Variants in CTNNA3 observed in about 807,000 individuals in gnomAD.
CTNNA3 encodes catenin alpha-3.
CTNNA3 carries 76 observed loss-of-function variants against 95.7 expected under a neutral mutation model. The observed-to-expected ratio is 0.79, with a 90% CI of 0.66 to 0.96. The LOEUF (loss-of-function observed/expected upper bound fraction) is 0.96. Ranked by LOEUF, CTNNA3 falls within the 40% of genes least tolerant of loss-of-function variation. The pLI, the probability that CTNNA3 is intolerant of heterozygous loss-of-function variation, is 0.00. For missense variants in CTNNA3, 1,191 were observed against 1,089.8 expected (o/e 1.09, Z -1.31); for synonymous variants, 431 against 374.4 (o/e 1.15, Z -1.74).
chr10:67,536,200 C>G (rs750136927), intron 4 of CTNNA3, among the ~76,000 whole-genome samples: 17 of 151,976 alleles, frequency 1.1e-4, no homozygotes, highest in Non-Finnish European at 2.5e-4. Context: ...AAATTTTTAG[C>G]CTAGAAAAGG....
intron 7 of CTNNA3, among the ~76,000 whole-genome samples, chr10:67,158,688 T>C (rs926015522): frequency 6.6e-6 from 1 of 152,170 alleles, no homozygotes; most frequent in Non-Finnish European, 1.5e-5. Context: ...AAAACTCTTA[T>C]AATAAAAGTT....
chr10:66,389,724 G>GGAGAGAGAGAGA (rs3980751), intron 11 of CTNNA3, among the ~76,000 whole-genome samples: 1 of 145,414 alleles, frequency 6.9e-6, no homozygotes, highest in Non-Finnish European at 1.5e-5. Flanking sequence ...ATATATATAT[G>GGAGAGAGAGAGA]GAGAGAGAGA....
intron 11 of CTNNA3, among the ~76,000 whole-genome samples, chr10:66,508,210 G>GTTTTTTTTTTTTTTTTTTT (rs756807793): frequency 7.4e-5 from 8 of 108,422 alleles, no homozygotes; most frequent in African/African-American, 2.5e-4. Context: ...TTTGTTTTCT[G>GTTTTTTTTTTTTTTTTTTT]TTTTTTTTTT....
chr10:67,760,722 A>C (rs1302655342), intron 1 of CTNNA3, among the ~76,000 whole-genome samples: 1 of 152,102 alleles, frequency 6.6e-6, no homozygotes, highest in African/African-American at 2.4e-5. Context: ...TCAGATCAGC[A>C]TTAGATTCTC....
intron 15 of CTNNA3, among the ~76,000 whole-genome samples, chr10:66,067,229 T>G (rs372485926): frequency 9.9e-5 from 15 of 152,202 alleles, no homozygotes; most frequent in East Asian, 3.9e-4. Context: ...CTCTGTGTAA[T>G]TGTACTAGTC....
intron 9 of CTNNA3, among the ~76,000 whole-genome samples, chr10:66,638,088 C>T (rs536541224): frequency 2.6e-5 from 4 of 152,258 alleles, no homozygotes; most frequent in South Asian, 4.1e-4. Flanking sequence ...CTGTCAGCTG[C>T]GTCACTTCTC....
chr10:66,012,557 TA>T (rs377613027), intron 15 of CTNNA3, among the ~76,000 whole-genome samples: 2 of 152,142 alleles, frequency 1.3e-5, no homozygotes, highest in African/African-American at 4.8e-5. Context: ...GACAACTGCA[TA>T]AAAAATACAT....
chr10:66,166,329 C>T (rs2085124936), intron 13 of CTNNA3, among the ~76,000 whole-genome samples: 1 of 151,312 alleles, frequency 6.6e-6, no homozygotes. Flanking sequence ...CCGGTGTCTA[C>T]TAAAAATACA....
chr10:66,803,006 C>T (rs1293410250), intron 7 of CTNNA3, among the ~76,000 whole-genome samples: 3 of 151,684 alleles, frequency 2.0e-5, no homozygotes, highest in African/African-American at 2.4e-5. Flanking sequence ...AATGGTATAT[C>T]GGAAATATTC....
chr10:66,775,564 T>A (rs1479453874), intron 7 of CTNNA3, 40 bp from the exon 8 acceptor site: 1 of 1,403,472 alleles, frequency 7.1e-7, no homozygotes. Context: ...TGGTATCAAT[T>A]AATCTTTATC....
rs144797142 is a variant in CTNNA3 at position 66,084,427 on chromosome 10, T to C, written c.1978-14938A>G. On this transcript the variant is annotated intron_variant, in intron 14 of 17. Transcript: ENST00000433211. Reference sequence around the variant, plus strand: ...GAGAATGGGTCTTCCATTACAGTGGTATTAGTTTTGGAACTTCAAGCAATT... The same window carrying C: ...GAGAATGGGTCTTCCATTACAGTGGCATTAGTTTTGGAACTTCAAGCAATT... Among the ~76,000 whole-genome samples the C allele has an allele frequency of 1.2e-3, 179 of 152,232 alleles. 2 individuals carry two copies. The highest frequency in any genetic ancestry group is 4.1e-3 in the African/African-American group (171 of 41,556).
At chr10:67,434,891 C>CA (rs1359758908) in intron 5 of CTNNA3, among the ~76,000 whole-genome samples, 3 of 151,966 alleles carry the variant, frequency 2.0e-5, no homozygotes, top group Admixed American at 1.3e-4. Context: ...TCTAAACCCA[C>CA]ATTCCCTCTA....
intron 2 of CTNNA3, among the ~76,000 whole-genome samples, chr10:67,640,425 C>G (rs1335635199): frequency 6.6e-6 from 1 of 152,166 alleles, no homozygotes; most frequent in Non-Finnish European, 1.5e-5. Context: ...AATGGCCATA[C>G]TGCCCAAGGT....
chr10:66,379,036 C>G, intron 12 of CTNNA3, 116 bp downstream of exon 12: 2 of 826,336 alleles, frequency 2.4e-6, no homozygotes, highest in Non-Finnish European at 4.0e-6. Context: ...CACTGTATAG[C>G]AATGTATGTC....
chr10:66,200,770 C>T (rs185088777), intron 13 of CTNNA3, among the ~76,000 whole-genome samples: 5 of 152,142 alleles, frequency 3.3e-5, no homozygotes, highest in Non-Finnish European at 7.4e-5. Context: ...TTAAACATTA[C>T]CCAGCATATA....
At chr10:66,255,782 T>C (rs757191921) in intron 13 of CTNNA3, among the ~76,000 whole-genome samples, 37 of 152,236 alleles carry the variant, frequency 2.4e-4, no homozygotes, top group Non-Finnish European at 2.9e-5. Context: ...TTCGAATTCA[T>C]GCACATTTCC....
chr10:66,638,800 C>A (rs1048065929), intron 9 of CTNNA3, among the ~76,000 whole-genome samples: 1 of 152,024 alleles, frequency 6.6e-6, no homozygotes, highest in African/African-American at 2.4e-5. Flanking sequence ...TCTCCCCCGC[C>A]CATTCGTTAT....
chr10:67,701,170 G>C (rs980505846), upstream of CTNNA3, among the ~76,000 whole-genome samples: 2 of 152,108 alleles, frequency 1.3e-5, no homozygotes, highest in South Asian at 4.1e-4. Context: ...GAAAGTGATG[G>C]GCAGAATGGA....
intron 13 of CTNNA3, among the ~76,000 whole-genome samples, chr10:66,153,510 C>G (rs909049790): frequency 2.0e-5 from 3 of 151,928 alleles, no homozygotes; most frequent in African/African-American, 7.2e-5. Flanking sequence ...TTAGCCTTAG[C>G]TGCAGGATGT....
Sources: gnomAD v4.1 joint callset for allele counts (sites outside exome capture counted in the v4.1 genomes callset) on GRCh38, gnomAD v4.1.1 for gene constraint, MANE v1.5 for transcripts, NCBI Gene and HGNC (gene_info 2026-07-23, HGNC 2026-07-21) for gene names.